The following ZNF2 variants were observed in gnomAD, a reference collection of about 807,000 sequenced individuals.
ZNF2 encodes zinc finger protein 2, also known as zinc finger protein 2.2.
In ZNF2, 12 loss-of-function variants were observed where a neutral mutation model predicts 21.9. That is an observed-to-expected ratio of 0.55 (90% confidence interval 0.35 to 0.89). The LOEUF (loss-of-function observed/expected upper bound fraction) is 0.89. Ranked by LOEUF, ZNF2 falls within the 40% of genes least tolerant of loss-of-function variation. The pLI, the probability that ZNF2 is intolerant of heterozygous loss-of-function variation, is 0.01. For missense variants in ZNF2, 462 were observed against 544.2 expected, an observed-to-expected ratio of 0.85 and a Z score of 1.50; for synonymous variants, 186 against 196.3, an observed-to-expected ratio of 0.95 and a Z score of 0.44.
In ZNF2 at chr2:95,166,336, A is replaced by G. The variant is rs574044639; in HGVS notation, c.-40+476A>G. Among the ~76,000 whole-genome samples the G allele has an allele frequency of 2.0e-5, 3 of 152,002 alleles. No homozygotes were observed. In the South Asian group the frequency reaches 6.2e-4, roughly 32 times the overall value. On this transcript the variant is annotated intron_variant, in intron 1 of 4. Transcript: ENST00000614034. ...AAACAACAACAACAAAACAAAAACC[A>G]CGAAAGAAGCAGCTAAGCGTTAGGC...
rs1480660257 is a variant in ZNF2, at chr2:95,183,428, A to G, written c.*1322A>G. The stretch of plus-strand genomic sequence containing the variant: ...CCTCTCTCACAGTTATATTTTGCAT[A>G]CTACTGTTAAGCCAGTCTTTGCAAA... On this transcript the variant is annotated 3_prime_UTR_variant, in exon 5 of 5. Transcript: ENST00000614034. The G allele has an allele frequency of 6.6e-6, 1 of 152,112 alleles. No homozygotes were observed. Among genetic ancestry groups the G allele is most frequent in the African/African-American group, 2.4e-5 (1 of 41,406 alleles). 9.4% of individuals were successfully genotyped at this position (152,112 alleles called of 1,614,324 possible).
At chr2:95,176,526 G>A (rs895662239) in intron 2 of ZNF2, among the ~76,000 whole-genome samples, 7 of 152,208 alleles carry the variant, frequency 4.6e-5, no homozygotes, top group African/African-American at 1.7e-4. Context: ...GGTAGGGTCT[G>A]ATTGGAAGGT....
chr2:95,170,463 A>G (rs1233253997), intron 1 of ZNF2, among the ~76,000 whole-genome samples: 1 of 152,194 alleles, frequency 6.6e-6, no homozygotes, highest in Non-Finnish European at 1.5e-5. Flanking sequence ...TTGTTAAATA[A>G]CCCTGAGCTG....
chr2:95,171,876 AC>A (rs1472176512), intron 1 of ZNF2, among the ~76,000 whole-genome samples: 1 of 152,094 alleles, frequency 6.6e-6, no homozygotes, highest in Admixed American at 6.5e-5. Flanking sequence ...CCCCAGGATC[AC>A]CCCAGGTTCA....
At chr2:95,176,874 G>A (rs1443625025) in intron 2 of ZNF2, among the ~76,000 whole-genome samples, 1 of 151,966 alleles carries the variant, frequency 6.6e-6, no homozygotes, top group Non-Finnish European at 1.5e-5. Flanking sequence ...GAAATGAGAG[G>A]GATCCTACAG....
intron 1 of ZNF2, among the ~76,000 whole-genome samples, chr2:95,168,442 A>AG (rs1277008344): frequency 6.9e-6 from 1 of 145,936 alleles, no homozygotes; most frequent in East Asian, 2.0e-4. Context: ...AAAAAAAAAA[A>AG]TACTGGGAAG....
chr2:95,174,830 A>G (rs2104501825), intron 1 of ZNF2, among the ~76,000 whole-genome samples: 1 of 152,282 alleles, frequency 6.6e-6, no homozygotes, highest in African/African-American at 2.4e-5. Flanking sequence ...TCTGTGCTTG[A>G]TGTAAGTAGT....
At chr2:95,169,637 C>T (rs1230280524) in intron 1 of ZNF2, among the ~76,000 whole-genome samples, 1 of 152,112 alleles carries the variant, frequency 6.6e-6, no homozygotes, top group Admixed American at 6.5e-5. Flanking sequence ...ATAATCCCAG[C>T]TACTCAGGAG....
chr2:95,178,161 G>C (rs1360684692), intron 3 of ZNF2, among the ~76,000 whole-genome samples: 1 of 152,190 alleles, frequency 6.6e-6, no homozygotes. Flanking sequence ...ATAGAGACTT[G>C]TGTGACAAAG....
In ZNF2 at chr2:95,181,654, C is replaced by G; in HGVS notation, c.826C>G (p.Gln276Glu). The change falls in exon 5 of 5, where the codon CAG becomes GAG. Residue 276 changes from glutamine (Q) to glutamate (E), a missense_variant. Transcript: ENST00000614034. ...TGACCGTTCATCCCTTACTCGACAC[C>G]AGAGAATTCACACTGGAGAAAGTCC... ...FFDRSSLTRH[Q>E]RIHTGESPYE... 1 of 1,614,220 alleles carries G rather than the reference C, an allele frequency of 6.2e-7. No homozygotes were observed. The highest frequency in any genetic ancestry group is 8.5e-7 in the Non-Finnish European group (1 of 1,180,034).
chr2:95,182,189 A>G lies in ZNF2; in HGVS notation c.*83A>G, dbSNP rs2104512063. ...CCTGTCTTAAAGCTGCCATTTGCTC[A>G]TTCTACCCACTCTGGCTGCCGTTGT... On this transcript the variant is annotated 3_prime_UTR_variant, in exon 5 of 5. Coordinates refer to ENST00000614034, the MANE Select transcript of ZNF2 (RefSeq NM_021088.4). 1.3e-6 allele frequency: 2 copies of G among 1,501,508 alleles called. No homozygotes were observed. Among genetic ancestry groups the G allele is most frequent in the Middle Eastern group, 2.4e-4 (1 of 4,128 alleles). The allele number at this position is 1,501,508 out of a possible 1,614,324, so 93.0% of individuals were successfully genotyped here.
In ZNF2 at chr2:95,181,540, T is replaced by G; in HGVS notation, c.712T>G (p.Phe238Val). The G allele has an allele frequency of 3.1e-6, 5 of 1,614,176 alleles. No individual in the cohort carries two copies. Among genetic ancestry groups the G allele is most frequent in the Non-Finnish European group, 4.2e-6 (5 of 1,180,034 alleles). Residue 238 changes from phenylalanine to valine, a missense_variant, in exon 5 of 5, where the codon TTC becomes GTC. Transcript: ENST00000614034. Reference protein sequence around the residue: ...PYECSVCSKAFFDRSSLTVHQ... With the variant: ...PYECSVCSKAVFDRSSLTVHQ... ...CGAGTGCAGTGTGTGCTCAAAAGCCTTCTTTGACCGTTCGTCCCTAACTGT... is the reference window on the plus strand; with the variant it reads ...CGAGTGCAGTGTGTGCTCAAAAGCCGTCTTTGACCGTTCGTCCCTAACTGT...
At chr2:95,178,375 AC>A (rs1460538586) in intron 3 of ZNF2, among the ~76,000 whole-genome samples, 2 of 152,056 alleles carry the variant, frequency 1.3e-5, no homozygotes, top group Non-Finnish European at 2.9e-5. Context: ...AAGTGCTAAC[AC>A]CCCCCAGATT....
rs774880829 is a variant in ZNF2, at chr2:95,181,385, C to G, written c.557C>G (p.Ser186Ter). 2.5e-6 allele frequency: 4 copies of G among 1,614,214 alleles called. No homozygotes were observed. The highest frequency in any genetic ancestry group is 3.4e-6 in the Non-Finnish European group (4 of 1,180,038). ...TGTGGGAAGACCTTTTTTGACCACT[C>G]ATCCCTCACCCGCCATCAGAGGACT... The part of the protein sequence containing the change: ...SDCGKTFFDH[S>*]SLTRHQRTHT... The change falls in exon 5 of 5, where the codon TCA (serine) becomes TGA (stop). Residue 186 changes from serine (S) to a stop codon, truncating the protein, a stop_gained. Coordinates refer to ENST00000614034, the MANE Select transcript of ZNF2 (RefSeq NM_021088.4). LOFTEE classifies it high-confidence loss of function.
chr2:95,174,341 A>G (rs1336705133), intron 1 of ZNF2, among the ~76,000 whole-genome samples: 1 of 152,196 alleles, frequency 6.6e-6, no homozygotes, highest in African/African-American at 2.4e-5. Context: ...ATGTGATGAC[A>G]TGTCCACACC....
chr2:95,176,299 C>T (rs1674442789), intron 2 of ZNF2, 40 bp downstream of exon 2: 1 of 1,613,572 alleles, frequency 6.2e-7, no homozygotes, highest in African/African-American at 1.3e-5. Flanking sequence ...CTCCATTCAT[C>T]TCCAGAATGT....
rs1468264687 is a variant in ZNF2 at position 95,181,640 on chromosome 2, C to A, written c.812C>A (p.Ser271Tyr). 1 of 1,614,236 alleles carries A rather than the reference C, an allele frequency of 6.2e-7. No homozygotes were observed. Among genetic ancestry groups the A allele is most frequent in the Non-Finnish European group, 8.5e-7 (1 of 1,180,038 alleles). ...ECGKAFFDRS[S>Y]LTRHQRIHTG... The stretch of plus-strand genomic sequence containing the variant: ...GGAAAAGCCTTTTTTGACCGTTCAT[C>A]CCTTACTCGACACCAGAGAATTCAC... Residue 271 changes from serine to tyrosine, a missense_variant, in exon 5 of 5, where the codon TCC becomes TAC. Coordinates refer to ENST00000614034, the MANE Select transcript of ZNF2 (RefSeq NM_021088.4).
intron 1 of ZNF2, among the ~76,000 whole-genome samples, chr2:95,171,416 T>C (rs1324129021): frequency 6.6e-6 from 1 of 151,706 alleles, no homozygotes; most frequent in Non-Finnish European, 1.5e-5. Flanking sequence ...AGAGTCTTGC[T>C]CTGTCACCCA....
At position 95,181,540 on chromosome 2, in the gene ZNF2, T is replaced by A. The variant is rs1249401688; in HGVS notation, c.712T>A (p.Phe238Ile). 6 of 1,614,058 alleles carry A rather than the reference T, an allele frequency of 3.7e-6. No homozygotes were observed. Among genetic ancestry groups the A allele is most frequent in the Non-Finnish European group, 5.1e-6 (6 of 1,180,042 alleles). Residue 238 changes from phenylalanine (F) to isoleucine (I), a missense_variant, in exon 5 of 5, where the codon TTC (phenylalanine) becomes ATC (isoleucine). Coordinates refer to ENST00000614034, the MANE Select transcript of ZNF2 (RefSeq NM_021088.4). ...CGAGTGCAGTGTGTGCTCAAAAGCC[T>A]TCTTTGACCGTTCGTCCCTAACTGT... The part of the protein sequence containing the change: ...PYECSVCSKA[F>I]FDRSSLTVHQ...
Sources: gnomAD v4.1 joint callset for allele counts (sites outside exome capture counted in the v4.1 genomes callset) on GRCh38, gnomAD v4.1.1 for gene constraint, MANE v1.5 for transcripts, NCBI Gene and HGNC (gene_info 2026-07-23, HGNC 2026-07-21) for gene names.